DNAI4: variants seen among roughly 807,000 people sequenced by gnomAD.
The protein encoded by DNAI4 is dynein axonemal intermediate chain 4.
A neutral mutation model predicts 105.8 loss-of-function variants in DNAI4; 85 were observed. The observed-to-expected ratio is 0.80, with a 90% CI of 0.67 to 0.96. DNAI4 has a LOEUF of 0.96. Ranked by LOEUF, DNAI4 falls within the 40% of genes least tolerant of loss-of-function variation. The pLI, the probability that DNAI4 is intolerant of heterozygous loss-of-function variation, is 0.00. For synonymous variants in DNAI4, 352 were observed against 331.5 expected (o/e 1.06, Z -0.67); for missense variants, 1,014 against 1,005.6 (o/e 1.01, Z -0.11).
At chr1:66,861,850 T>C (rs1319947859) in intron 7 of DNAI4, among the ~76,000 whole-genome samples, 1 of 152,030 alleles carries the variant, frequency 6.6e-6, no homozygotes, top group Non-Finnish European at 1.5e-5. Flanking sequence ...AGTAATCTAA[T>C]TGAACAAAAG....
chr1:66,835,182 C>T (rs914882742), intron 11 of DNAI4, among the ~76,000 whole-genome samples: 10 of 146,760 alleles, frequency 6.8e-5, no homozygotes, highest in African/African-American at 2.5e-4. Context: ...GGAACTTATA[C>T]CCTCCTTAGA....
intron 4 of DNAI4, among the ~76,000 whole-genome samples, chr1:66,875,295 C>A (rs1178281518): frequency 6.6e-6 from 1 of 152,132 alleles, no homozygotes; most frequent in East Asian, 1.9e-4. Context: ...GCATAATAAG[C>A]AACACTTCTT....
intron 10 of DNAI4, among the ~76,000 whole-genome samples, chr1:66,836,799 A>C (rs956135753): frequency 5.9e-5 from 9 of 152,212 alleles, no homozygotes; most frequent in African/African-American, 2.2e-4. Context: ...GCTATTTATA[A>C]AAATTTTAGT....
At chr1:66,814,633 G>C (rs1294112626) in intron 16 of DNAI4, among the ~76,000 whole-genome samples, 1 of 152,194 alleles carries the variant, frequency 6.6e-6, no homozygotes, top group Non-Finnish European at 1.5e-5. Context: ...CTCCCAAAGT[G>C]CTGGGATTAC....
intron 13 of DNAI4, among the ~76,000 whole-genome samples, chr1:66,833,050 A>G (rs1645901116): frequency 6.6e-6 from 1 of 152,130 alleles, no homozygotes; most frequent in African/African-American, 2.4e-5. Flanking sequence ...TGAGTTAAGC[A>G]CAAAGTTGTA....
intron 2 of DNAI4, among the ~76,000 whole-genome samples, chr1:66,901,974 A>T (rs1346226091): frequency 1.3e-5 from 2 of 152,046 alleles, no homozygotes; most frequent in African/African-American, 2.4e-5. Flanking sequence ...TCTTATAGAG[A>T]TGGGGTCTTG....
chr1:66,835,877 G>A (rs1645975457), intron 10 of DNAI4, 100 bp from the exon 11 acceptor site: 1 of 1,028,976 alleles, frequency 9.7e-7, no homozygotes, highest in African/African-American at 1.6e-5. Context: ...GTGGGTATGT[G>A]AGCAGAGTTA....
At chr1:66,877,722 T>A (rs988738357) in intron 4 of DNAI4, among the ~76,000 whole-genome samples, 1 of 152,178 alleles carries the variant, frequency 6.6e-6, no homozygotes, top group African/African-American at 2.4e-5. Flanking sequence ...TTAGTCATGA[T>A]GTCTCCTTAC....
chr1:66,924,099 A>C (rs958306505), intron 1 of DNAI4, among the ~76,000 whole-genome samples: 1 of 152,258 alleles, frequency 6.6e-6, no homozygotes, highest in Non-Finnish European at 1.5e-5. Flanking sequence ...GCAGGCCTTA[A>C]CAAACTAGAA....
At chr1:66,834,175 A>T in intron 11 of DNAI4, 27 bp from the exon 12 acceptor site, 1 of 1,540,062 alleles carries the variant, frequency 6.5e-7, no homozygotes, top group African/African-American at 1.4e-5. Flanking sequence ...AATACTAAAC[A>T]TATAATCATT....
chr1:66,908,243 T>A (rs1211709149), intron 1 of DNAI4, among the ~76,000 whole-genome samples: 1 of 152,228 alleles, frequency 6.6e-6, no homozygotes, highest in Non-Finnish European at 1.5e-5. Flanking sequence ...GACAACCTGA[T>A]GCTATGCCTA....
chr1:66,888,819 A>G (rs756895129), intron 4 of DNAI4, among the ~76,000 whole-genome samples: 10 of 152,242 alleles, frequency 6.6e-5, no homozygotes, highest in Non-Finnish European at 1.5e-4. Flanking sequence ...TTTTTGATGT[A>G]GATAAGCAAA....
intron 1 of DNAI4, 71 bp downstream of exon 1, chr1:66,924,591 G>T: frequency 6.2e-7 from 1 of 1,606,060 alleles, no homozygotes; most frequent in South Asian, 1.1e-5. Context: ...TCCAGAAATG[G>T]TATCTATTAA....
At chr1:66,880,607 G>A (rs7552770) in intron 4 of DNAI4, among the ~76,000 whole-genome samples, 20,953 of 152,100 alleles carry the variant, frequency 0.14, 1,587 homozygotes, top group Middle Eastern at 0.21. Flanking sequence ...TCTAAGCAAC[G>A]AAGCATTCAA....
intron 7 of DNAI4, among the ~76,000 whole-genome samples, chr1:66,850,198 TA>T (rs539053671): frequency 2.6e-4 from 39 of 149,940 alleles, no homozygotes; most frequent in African/African-American, 9.3e-4. Flanking sequence ...ACCTTATCTT[TA>T]GGGGGAAAAT....
intron 7 of DNAI4, among the ~76,000 whole-genome samples, chr1:66,851,273 G>A (rs1646392081): frequency 6.6e-6 from 1 of 151,698 alleles, no homozygotes; most frequent in Admixed American, 6.6e-5. Flanking sequence ...TGTCATGATT[G>A]TACCAAGAAG....
intron 7 of DNAI4, among the ~76,000 whole-genome samples, chr1:66,858,735 G>A (rs1646558495): frequency 1.3e-5 from 2 of 151,994 alleles, no homozygotes; most frequent in Admixed American, 1.3e-4. Context: ...CACAGAAAAA[G>A]TACTTGACGA....
At chr1:66,900,397 G>A (rs1648713440) in intron 2 of DNAI4, among the ~76,000 whole-genome samples, 3 of 152,096 alleles carry the variant, frequency 2.0e-5, no homozygotes, top group African/African-American at 7.2e-5. Flanking sequence ...CACCGCGCCT[G>A]GCCCCATATG....
intron 1 of DNAI4, among the ~76,000 whole-genome samples, chr1:66,912,099 C>G (rs1350369910): frequency 2.6e-5 from 4 of 152,190 alleles, no homozygotes; most frequent in Non-Finnish European, 4.4e-5. Context: ...CTTGGTCTCC[C>G]AAAGTGCTGG....
Sources: gnomAD v4.1 joint callset for allele counts (sites outside exome capture counted in the v4.1 genomes callset) on GRCh38, gnomAD v4.1.1 for gene constraint, MANE v1.5 for transcripts, NCBI Gene and HGNC (gene_info 2026-07-23, HGNC 2026-07-21) for gene names.